Variants in DPP6 observed in about 807,000 individuals in gnomAD.
DPP6 encodes A-type potassium channel modulatory protein DPP6.
A neutral mutation model predicts 122.6 loss-of-function variants in DPP6; 69 were observed. The observed-to-expected ratio is 0.56, with a 90% CI of 0.46 to 0.69. The LOEUF (loss-of-function observed/expected upper bound fraction) is 0.69. Ranked by LOEUF, DPP6 falls within the 30% of genes least tolerant of loss-of-function variation. The pLI, the probability that DPP6 is intolerant of heterozygous loss-of-function variation, is 0.00. For missense variants in DPP6, 928 were observed against 1,116.9 expected (o/e 0.83, Z 2.41); for synonymous variants, 418 against 433.1 (o/e 0.97, Z 0.43).
rs980731732 is a variant in DPP6 at position 154,337,050 on chromosome 7, A to T, written c.244-109164A>T. ...GGTAGAAAAGGAGAAGCATTTAAACATCAGTGCCTCAAATCTCCTTTCCAA... is the reference window on the plus strand; with the variant it reads ...GGTAGAAAAGGAGAAGCATTTAAACTTCAGTGCCTCAAATCTCCTTTCCAA... On this transcript the variant is annotated intron_variant, in intron 1 of 25. Coordinates refer to ENST00000377770, the MANE Select transcript of DPP6 (RefSeq NM_130797.4). Among the ~76,000 whole-genome samples, 6 of 152,234 alleles carry T rather than the reference A, an allele frequency of 3.9e-5. No homozygotes were observed. In the South Asian group the frequency reaches 1.0e-3, roughly 26 times the overall value.
intron 12 of DPP6, among the ~76,000 whole-genome samples, chr7:154,800,570 G>A (rs922385916): frequency 2.0e-4 from 31 of 152,300 alleles, no homozygotes; most frequent in African/African-American, 4.6e-4. Context: ...TTCACTGTCC[G>A]GGGACCAGGC....
rs772492779 is a variant in DPP6, at chr7:154,892,699, C to A, written c.*219C>A. The stretch of plus-strand genomic sequence containing the variant: ...TCCATGGCACCAGGGACAACGCTGT[C>A]CCCGCAGCAGCGCCTCCTCCCGGCG... On this transcript the variant is annotated 3_prime_UTR_variant, in exon 26 of 26. Transcript: ENST00000377770. The A allele has an allele frequency of 9.0e-6, 9 of 1,004,364 alleles. No individual in the cohort carries two copies. Among genetic ancestry groups the A allele is most frequent in the Non-Finnish European group, 1.4e-5 (9 of 651,034 alleles). 62.2% of individuals were successfully genotyped at this position (1,004,364 alleles called of 1,614,324 possible).
chr7:154,516,844 G>C (rs1826555328), intron 3 of DPP6, among the ~76,000 whole-genome samples: 1 of 152,130 alleles, frequency 6.6e-6, no homozygotes, highest in Non-Finnish European at 1.5e-5. Flanking sequence ...GTCTCTGTGG[G>C]GTAGTTTATT....
Position 154,801,474 on chromosome 7 carries a change from T to C in DPP6, c.1407+12T>C. 1 of 1,559,206 alleles carries C rather than the reference T, an allele frequency of 6.4e-7. No individual in the cohort carries two copies. The highest frequency in any genetic ancestry group is 1.8e-4 in the Middle Eastern group (1 of 5,432). ...TGTCCTCGTCCCAGGTAAGTCCTGC[T>C]AGTTTCCGGAGCTGAACTAGAAACT... On this transcript the variant is annotated intron_variant, in intron 13 of 25. Transcript: ENST00000377770.
intron 11 of DPP6, among the ~76,000 whole-genome samples, chr7:154,795,239 G>T (rs1484353113): frequency 2.0e-5 from 3 of 152,196 alleles, no homozygotes; most frequent in Admixed American, 2.0e-4. Context: ...CCAGGGGCCC[G>T]GAGGTCCAGT....
chr7:154,685,141 G>A (rs6964368), intron 7 of DPP6, among the ~76,000 whole-genome samples: 3,140 of 152,304 alleles, frequency 0.021, 100 homozygotes, highest in African/African-American at 0.071. Flanking sequence ...TGTTGTAACA[G>A]AGCCAGCATG....
At chr7:153,895,129 C>T (rs976411801) in intron 1 of DPP6, among the ~76,000 whole-genome samples, 5 of 152,274 alleles carry the variant, frequency 3.3e-5, no homozygotes, top group Admixed American at 6.5e-5. Context: ...TCCTCCTTTC[C>T]TTTTTCTTCA....
chr7:154,064,434 T>C (rs1261600420), intron 1 of DPP6, among the ~76,000 whole-genome samples: 17 of 152,172 alleles, frequency 1.1e-4, no homozygotes, highest in Non-Finnish European at 4.4e-5. Context: ...CTTGTCTTGG[T>C]CAGTTTTCTT....
At chr7:154,122,221 C>T (rs1807526322) in intron 1 of DPP6, among the ~76,000 whole-genome samples, 1 of 152,112 alleles carries the variant, frequency 6.6e-6, no homozygotes, top group Non-Finnish European at 1.5e-5. Flanking sequence ...CCATCACAGA[C>T]GGATCACCAC....
At chr7:153,915,745 A>G (rs1304421351) in intron 1 of DPP6, among the ~76,000 whole-genome samples, 1 of 152,136 alleles carries the variant, frequency 6.6e-6, no homozygotes, top group Non-Finnish European at 1.5e-5. Context: ...CCCATGCTGC[A>G]TGGGTGTGAA....
intron 1 of DPP6, among the ~76,000 whole-genome samples, chr7:154,437,134 G>T (rs116850906): frequency 0.012 from 1,898 of 152,258 alleles, 36 homozygotes; most frequent in Non-Finnish European, 0.02. Context: ...GGAGACTAAG[G>T]TTACAGGTGA....
intron 7 of DPP6, among the ~76,000 whole-genome samples, chr7:154,714,898 A>T (rs1841393086): frequency 6.6e-6 from 1 of 152,230 alleles, no homozygotes. Context: ...TTGGGAAATA[A>T]CAAAGAGATG....
chr7:153,776,030 CA>C, the DPP6 span, among the ~76,000 whole-genome samples: 1 of 152,032 alleles, frequency 6.6e-6, no homozygotes, highest in Non-Finnish European at 1.5e-5. Flanking sequence ...TAATCTGAAT[CA>C]AAATCTCAAA....
chr7:154,553,902 CAAAAAAA>C (rs56020996), intron 4 of DPP6, among the ~76,000 whole-genome samples: 4 of 103,138 alleles, frequency 3.9e-5, no homozygotes, highest in Admixed American at 1.1e-4. Context: ...AGCCTAATGC[CAAAAAAA>C]AAAAAAAAAA....
intron 5 of DPP6, among the ~76,000 whole-genome samples, chr7:154,576,177 T>C (rs1253471759): frequency 6.6e-6 from 1 of 152,072 alleles, no homozygotes; most frequent in Non-Finnish European, 1.5e-5. Context: ...TACTTCCCCG[T>C]GCCCCCATCC....
intron 1 of DPP6, among the ~76,000 whole-genome samples, chr7:154,237,560 C>T (rs995074375): frequency 3.3e-5 from 5 of 152,218 alleles, no homozygotes; most frequent in Admixed American, 6.5e-5. Flanking sequence ...GTCTCATTCA[C>T]TGTCCCACCT....
intron 17 of DPP6, among the ~76,000 whole-genome samples, chr7:154,862,844 T>C (rs1489313826): frequency 2.6e-5 from 4 of 152,228 alleles, no homozygotes; most frequent in African/African-American, 7.2e-5. Context: ...AAAAAAGATA[T>C]GGCAAAAAGA....
intron 1 of DPP6, among the ~76,000 whole-genome samples, chr7:154,284,240 T>A (rs1366484490): frequency 2.0e-5 from 3 of 152,130 alleles, no homozygotes; most frequent in Non-Finnish European, 4.4e-5. Context: ...ATGGACTAAT[T>A]GTTGCTGGAT....
At position 154,000,403 on chromosome 7, in the gene DPP6, A is replaced by G. The variant is rs535357017; in HGVS notation, c.51+112669A>G. ...GTCTGCTGAGAGCAGGATGAAATCA[A>G]TGACTGACTGATGTCTCCTAAGTGC... is the stretch of plus-strand genomic sequence containing the variant. On this transcript the variant is annotated intron_variant, in intron 1 of 25. Coordinates refer to the DPP6 transcript ENST00000404039. Among the ~76,000 whole-genome samples the G allele has an allele frequency of 3.9e-4, 59 of 152,274 alleles. 1 individual carries two copies. Among genetic ancestry groups the G allele is most frequent in the Non-Finnish European group, 6.0e-4 (41 of 68,018 alleles).
Sources: allele counts gnomAD v4.1 joint callset (sites outside exome capture counted in the v4.1 genomes callset), GRCh38; gene constraint gnomAD v4.1.1; transcripts MANE v1.5; gene names NCBI Gene and HGNC (gene_info 2026-07-23, HGNC 2026-07-21).